The following FRMPD3 variants were observed in gnomAD, a reference collection of about 807,000 sequenced individuals.
FRMPD3 encodes the protein FERM and PDZ domain containing 3, also known as FERM and PDZ domain-containing protein 3.
FRMPD3 carries 42 observed loss-of-function variants against 97.9 expected under a neutral mutation model. That is an observed-to-expected ratio of 0.43 (90% CI 0.34 to 0.55). The LOEUF is 0.55. Among genes scored for constraint, FRMPD3 ranks in the 20% least tolerant of loss-of-function variants. The pLI, the probability that FRMPD3 is intolerant of heterozygous loss-of-function variation, is 0.03. For synonymous variants in FRMPD3, 577 were observed against 581.1 expected, an observed-to-expected ratio of 0.99 and a Z score of 0.10; for missense variants, 1,303 against 1,457.7, an observed-to-expected ratio of 0.89 and a Z score of 1.73.
chrX:107,599,499 C>T (rs958434309), intron 14 of FRMPD3, among the ~76,000 whole-genome samples: 1 of 111,065 alleles, frequency 9.0e-6, no homozygotes, highest in African/African-American at 3.3e-5. Flanking sequence ...TTGAGTCCCA[C>T]GTGGCTGCTG....
At chrX:107,546,900 GAGA>G (rs754838449) in intron 5 of FRMPD3, among the ~76,000 whole-genome samples, 40 of 111,471 alleles carry the variant, frequency 3.6e-4, no homozygotes, top group Non-Finnish European at 7.3e-4. Context: ...CAGAATTAGT[GAGA>G]AGAAGGTATA....
chrX:107,547,888 C>T (rs985470452), intron 5 of FRMPD3, among the ~76,000 whole-genome samples: 4 of 111,853 alleles, frequency 3.6e-5, no homozygotes, highest in Admixed American at 2.8e-4. Context: ...CTAAATAAAA[C>T]CTGCCACCAC....
chrX:107,481,396 C>T lies in FRMPD3; in HGVS notation c.-8+31391C>T, dbSNP rs575712982. ...CTGTAATTTGTAGGGATCCCTTTGT[C>T]CCCAATGTTGCTTTGCTAGACCTGC... is the stretch of plus-strand genomic sequence containing the variant. On this transcript the variant is annotated intron_variant, in intron 1 of 14. Transcript: ENST00000683843. 2.7e-5 allele frequency among the ~76,000 whole-genome samples: 3 copies of T among 112,123 alleles called. No individual in the cohort carries two copies. In the South Asian group the frequency reaches 1.1e-3, roughly 42 times the overall value.
chrX:107,604,379 T>A lies in FRMPD3; in HGVS notation c.*1006T>A, dbSNP rs1463947037. 1 of 109,248 alleles carries A rather than the reference T, an allele frequency of 9.2e-6. No homozygotes were observed. The highest frequency in any genetic ancestry group is 1.9e-5 in the Non-Finnish European group (1 of 52,397). 9.0% of individuals were successfully genotyped at this position (109,248 alleles called of 1,213,427 possible). ...GCGTGATATGTTAATCCTGAGTATA[T>A]GCTTTTGGCTGTGTATTGACCCTGT... On this transcript the variant is annotated 3_prime_UTR_variant, in exon 15 of 15. Transcript: ENST00000683843.
At chrX:107,597,194 A>G in intron 13 of FRMPD3, 127 bp from the exon 14 acceptor site, 3 of 570,811 alleles carry the variant, frequency 5.3e-6, no homozygotes, top group Non-Finnish European at 8.6e-6. Context: ...TTTGGCAGCC[A>G]GGTAATGCTT....
At chrX:107,506,674 AG>A (rs1922035496) in intron 1 of FRMPD3, among the ~76,000 whole-genome samples, 27 of 111,843 alleles carry the variant, frequency 2.4e-4, no homozygotes, top group Admixed American at 2.0e-3. Flanking sequence ...CCCGGTGGCG[AG>A]GGGAGGGGTC....
At chrX:107,522,184 C>T (rs768255253) in intron 1 of FRMPD3, among the ~76,000 whole-genome samples, 1 of 111,287 alleles carries the variant, frequency 9.0e-6, no homozygotes, top group South Asian at 3.9e-4. Flanking sequence ...AGGGCTTCGG[C>T]TGTGTGAAGC....
intron 3 of FRMPD3, among the ~76,000 whole-genome samples, chrX:107,531,111 TACACACAC>T (rs35430860): frequency 4.3e-5 from 4 of 93,596 alleles, no homozygotes; most frequent in Non-Finnish European, 6.5e-5. Context: ...CTGTGCACAT[TACACACAC>T]ACACACACAC....
chrX:107,466,883 A>G lies in FRMPD3; in HGVS notation c.-8+16878A>G, dbSNP rs760882540. 4.5e-5 allele frequency among the ~76,000 whole-genome samples: 5 copies of G among 111,789 alleles called. No individual in the cohort carries two copies. In the South Asian group the frequency reaches 1.9e-3, roughly 43 times the overall value. On this transcript the variant is annotated intron_variant, in intron 1 of 14. Transcript: ENST00000683843. ...GAAAGGCCAAGAAAGGACTGACTCT[A>G]ACACCTCCCCTCACTGACCACATTC... is the stretch of plus-strand genomic sequence containing the variant.
chrX:107,482,056 A>G lies in FRMPD3; in HGVS notation c.-8+32051A>G, dbSNP rs139582334. 2.8e-3 allele frequency among the ~76,000 whole-genome samples: 307 copies of G among 111,344 alleles called. 1 individual carries two copies. The highest frequency in any genetic ancestry group is 9.1e-3 in the African/African-American group (277 of 30,589). On this transcript the variant is annotated intron_variant, in intron 1 of 14. Transcript: ENST00000683843. ...TCCTTTTTTATAAATCATGAGATAC[A>G]TTGTGCTGGCAAGCAAAACCCCCGT...
At chrX:107,454,685 C>G (rs911492323) in intron 1 of FRMPD3, among the ~76,000 whole-genome samples, 15 of 111,912 alleles carry the variant, frequency 1.3e-4, no homozygotes, top group African/African-American at 4.9e-4. Context: ...GATCATCATC[C>G]TTGGAGGGTG....
At position 107,602,014 on chromosome X, in the gene FRMPD3, G is replaced by T; in HGVS notation, c.3975G>T (p.Arg1325Ser). Residue 1325 changes from arginine (R) to serine (S), a missense_variant, in exon 15 of 15, where the codon AGG becomes AGT. Coordinates refer to ENST00000683843, the MANE Select transcript of FRMPD3 (RefSeq NM_001388459.1). ...TGCCCAGCCTCCGGGGGAGGGAAAG[G>T]GACAGAGTCCTCCCTAGCCAGAGGC... ...TPVPSLRGRE[R>S]DRVLPSQRQP... The T allele has an allele frequency of 8.5e-7, 1 of 1,174,169 alleles. No individual in the cohort carries two copies. Among genetic ancestry groups the T allele is most frequent in the Non-Finnish European group, 1.1e-6 (1 of 877,952 alleles).
At chrX:107,506,984 A>G (rs1922047210) in intron 1 of FRMPD3, among the ~76,000 whole-genome samples, 1 of 111,086 alleles carries the variant, frequency 9.0e-6, no homozygotes, top group African/African-American at 3.3e-5. Context: ...GCAGCAGCCC[A>G]GCCCCGGCCC....
rs1303370377 is a variant in FRMPD3 at position 107,605,122 on chromosome X, G to A, written c.*1749G>A. 9.0e-6 allele frequency: 1 copy of A among 110,527 alleles called. No homozygotes were observed. Among genetic ancestry groups the A allele is most frequent in the African/African-American group, 3.3e-5 (1 of 30,374 alleles). The allele number at this position is 110,527 out of a possible 1,213,427, so 9.1% of individuals were successfully genotyped here. ...TCCTTCACCTCTCCCTCAGCCTCAT[G>A]GAGAGGAAACATTTTCTAATGTCTG... On this transcript the variant is annotated 3_prime_UTR_variant, in exon 15 of 15. Transcript: ENST00000683843.
Position 107,526,643 on chromosome X carries a change from C to T in FRMPD3, c.55C>T (p.Leu19=). Residue 19 remains leucine, a synonymous_variant, in exon 2 of 15, where the codon CTG becomes TTG. Coordinates refer to ENST00000683843, the MANE Select transcript of FRMPD3 (RefSeq NM_001388459.1). The part of the protein sequence containing the change: ...MECEQLPAEI[L]RQVTVHRDPI... ...ATGTGAGCAGCTGCCAGCAGAGATA[C>T]TGCGACAAGTGACCGTTCACCGAGA... The T allele has an allele frequency of 8.3e-7, 1 of 1,207,633 alleles. No homozygotes were observed. Among genetic ancestry groups the T allele is most frequent in the Non-Finnish European group, 1.1e-6 (1 of 893,895 alleles).
chrX:107,551,233 C>G (rs889610504), intron 6 of FRMPD3, among the ~76,000 whole-genome samples: 26 of 110,947 alleles, frequency 2.3e-4, no homozygotes, highest in African/African-American at 8.2e-4. Flanking sequence ...AAGGCTTAGG[C>G]CTAGGTGGGT....
intron 1 of FRMPD3, among the ~76,000 whole-genome samples, chrX:107,498,083 A>C (rs551353647): frequency 1.8e-5 from 2 of 112,621 alleles, no homozygotes; most frequent in South Asian, 7.4e-4. Context: ...AGTGCCAGCC[A>C]GTTTAAGAGA....
chrX:107,473,756 G>T (rs1162028999), intron 1 of FRMPD3, among the ~76,000 whole-genome samples: 2 of 112,537 alleles, frequency 1.8e-5, no homozygotes, highest in African/African-American at 6.5e-5. Flanking sequence ...AGGGATGCAG[G>T]TGTGGGTGTG....
chrX:107,479,132 G>T (rs923901514), intron 1 of FRMPD3, among the ~76,000 whole-genome samples: 19 of 112,237 alleles, frequency 1.7e-4, no homozygotes, highest in African/African-American at 6.2e-4. Context: ...TCACAGTGCT[G>T]GGATTTGTAT....
Sources: gnomAD v4.1 joint callset for allele counts (sites outside exome capture counted in the v4.1 genomes callset) on GRCh38, gnomAD v4.1.1 for gene constraint, MANE v1.5 for transcripts, NCBI Gene and HGNC (gene_info 2026-07-23, HGNC 2026-07-21) for gene names.